ERAP1: variants seen among roughly 807,000 people sequenced by gnomAD.
The protein encoded by ERAP1 is endoplasmic reticulum aminopeptidase 1, also known as adipocyte-derived leucine aminopeptidase.
A neutral mutation model predicts 103.7 loss-of-function variants in ERAP1; 86 were observed. That is an observed-to-expected ratio of 0.83 (90% CI 0.70 to 0.99). ERAP1 has a LOEUF of 0.99. Ranked by LOEUF, ERAP1 falls within the 50% of genes least tolerant of loss-of-function variation. ERAP1 has a pLI of 0.00. For missense variants in ERAP1, 1,009 were observed against 1,128.4 expected (o/e 0.89, Z 1.52); for synonymous variants, 398 against 402.4 (o/e 0.99, Z 0.13).
At chr5:96,867,311 C>G in the ERAP1 span, among the ~76,000 whole-genome samples, 1 of 152,010 alleles carries the variant, frequency 6.6e-6, no homozygotes, top group Non-Finnish European at 1.5e-5. Flanking sequence ...TGGGCTTCTC[C>G]CTGAGATTAT....
chr5:96,889,156 A>T, the ERAP1 span: 12 of 1,611,754 alleles, frequency 7.4e-6, no homozygotes, highest in Non-Finnish European at 1.0e-5. Flanking sequence ...GCTGTCATTC[A>T]AAAACCTCTT....
chr5:96,783,349 T>A, intron 14 of ERAP1, 114 bp from the exon 15 acceptor site: 1 of 910,062 alleles, frequency 1.1e-6, no homozygotes, highest in Non-Finnish European at 1.6e-6. Context: ...ATAATCTAAC[T>A]TTTACTGTAT....
chr5:96,837,503 AC>A, the ERAP1 span, among the ~76,000 whole-genome samples: 3 of 152,074 alleles, frequency 2.0e-5, no homozygotes, highest in Non-Finnish European at 2.9e-5. Flanking sequence ...ACTGCGTTCT[AC>A]CCCTCGTGGG....
chr5:96,784,084 A>T lies in ERAP1; in HGVS notation c.1944-4T>A. 6.2e-7 allele frequency: 1 copy of T among 1,614,052 alleles called. No individual in the cohort carries two copies. Among genetic ancestry groups the T allele is most frequent in the Non-Finnish European group, 8.5e-7 (1 of 1,179,904 alleles). ...TTCAATGGACAGCTTCCCAATGCTGACCAAGAGACACTGTGGTTAGTGGTT... is the reference window on the plus strand; with the variant it reads ...TTCAATGGACAGCTTCCCAATGCTGTCCAAGAGACACTGTGGTTAGTGGTT... On this transcript the variant is annotated splice_region_variant and splice_polypyrimidine_tract_variant and intron_variant, in intron 13 of 18. Coordinates refer to ENST00000443439, the MANE Select transcript of ERAP1 (RefSeq NM_001040458.3).
the ERAP1 span, among the ~76,000 whole-genome samples, chr5:96,908,234 A>G: frequency 6.6e-6 from 1 of 152,088 alleles, no homozygotes; most frequent in Non-Finnish European, 1.5e-5. Flanking sequence ...TGGCTTATAG[A>G]CTCTGTGTGC....
chr5:96,914,613 G>A, the ERAP1 span, among the ~76,000 whole-genome samples: 13 of 152,194 alleles, frequency 8.5e-5, no homozygotes, highest in African/African-American at 2.9e-4. Context: ...CCAACCATGT[G>A]CAGAGCCTAG....
chr5:96,795,178 C>A lies in ERAP1; in HGVS notation c.799-16G>T. ...AAACAGAAACCTAAAGAGAAAGGCACAGAAAGGAATTCAAATATCTTAACT... is the reference window on the plus strand; with the variant it reads ...AAACAGAAACCTAAAGAGAAAGGCAAAGAAAGGAATTCAAATATCTTAACT... On this transcript the variant is annotated splice_polypyrimidine_tract_variant and intron_variant, in intron 4 of 18. Transcript: ENST00000443439. 6.2e-7 allele frequency: 1 copy of A among 1,612,764 alleles called. No homozygotes were observed.
At position 96,782,034 on chromosome 5, in the gene ERAP1, G is replaced by A. The variant is rs189364729; in HGVS notation, c.2286-180C>T. ...TTTTTTTTTTTTTTTTTTTTAGGAC[G>A]GAGTCTTGCTCTGTCACCCAGGCTG... is the stretch of plus-strand genomic sequence containing the variant. On this transcript the variant is annotated intron_variant, in intron 15 of 18. Coordinates refer to ENST00000443439, the MANE Select transcript of ERAP1 (RefSeq NM_001040458.3). Among the ~76,000 whole-genome samples the A allele has an allele frequency of 4.7e-5, 7 of 147,698 alleles. No homozygotes were observed. In the East Asian group the frequency reaches 9.8e-4, roughly 21 times the overall value.
At chr5:96,766,098 G>A (rs1769846595) in intron 19 of ERAP1, 3 of 1,611,572 alleles carry the variant, frequency 1.9e-6, no homozygotes, top group Non-Finnish European at 2.5e-6. Context: ...AGAAAGAGAT[G>A]ACACTATCCC....
the ERAP1 span, among the ~76,000 whole-genome samples, chr5:96,916,251 AAAC>A: frequency 1.3e-5 from 2 of 151,750 alleles, no homozygotes; most frequent in African/African-American, 4.8e-5. Context: ...CAAAAACAAA[AAAC>A]AACAGCAAAA....
chr5:96,890,799 C>G, the ERAP1 span, among the ~76,000 whole-genome samples: 1 of 152,100 alleles, frequency 6.6e-6, no homozygotes, highest in Non-Finnish European at 1.5e-5. Flanking sequence ...TCTATATACT[C>G]TTTAGTACAG....
chr5:96,839,593 C>A, the ERAP1 span, among the ~76,000 whole-genome samples: 1 of 152,156 alleles, frequency 6.6e-6, no homozygotes, highest in Non-Finnish European at 1.5e-5. Flanking sequence ...TTCTCATTAC[C>A]TTTAGGATAT....
At chr5:96,822,570 G>A in the ERAP1 span, among the ~76,000 whole-genome samples, 16 of 152,276 alleles carry the variant, frequency 1.1e-4, no homozygotes, top group South Asian at 6.2e-4. Flanking sequence ...AAGGGATGCC[G>A]AGGTAGCCTG....
the ERAP1 span, chr5:96,909,978 G>A: frequency 8.7e-6 from 4 of 457,650 alleles, no homozygotes; most frequent in Admixed American, 6.7e-5. Context: ...CCATTATTCC[G>A]GTGCTGGCTG....
chr5:96,798,324 CAAAAAAAAAA>C (rs3076633), intron 3 of ERAP1, among the ~76,000 whole-genome samples: 6 of 76,374 alleles, frequency 7.9e-5, no homozygotes, highest in Non-Finnish European at 1.4e-4. Context: ...GACTCCATCT[CAAAAAAAAAA>C]AAAAAAAAAG....
At chr5:96,863,954 T>C in the ERAP1 span, among the ~76,000 whole-genome samples, 2 of 152,230 alleles carry the variant, frequency 1.3e-5, no homozygotes, top group Admixed American at 6.5e-5. Flanking sequence ...TTGTGTATTA[T>C]CTTCAAAGGC....
At chr5:96,882,253 C>A in the ERAP1 span, among the ~76,000 whole-genome samples, 1 of 152,122 alleles carries the variant, frequency 6.6e-6, no homozygotes, top group South Asian at 2.1e-4. Flanking sequence ...TTTTCAAATG[C>A]CGAAGGCCCC....
chr5:96,895,281 T>A, the ERAP1 span: 3 of 1,612,760 alleles, frequency 1.9e-6, no homozygotes, highest in Non-Finnish European at 2.5e-6. Flanking sequence ...AATGGTGGAA[T>A]GATATTTGGC....
the ERAP1 span, among the ~76,000 whole-genome samples, chr5:96,874,117 GGAAA>G: frequency 0.012 from 1,252 of 106,718 alleles, 8 homozygotes; most frequent in Non-Finnish European, 0.018. Flanking sequence ...AAAGAAGGAA[GGAAA>G]GAAAGAAAGA....
Sources: gnomAD v4.1 joint callset for allele counts (sites outside exome capture counted in the v4.1 genomes callset) on GRCh38, gnomAD v4.1.1 for gene constraint, MANE v1.5 for transcripts, NCBI Gene and HGNC (gene_info 2026-07-23, HGNC 2026-07-21) for gene names.